The following ADAD1 variants were observed in gnomAD, a reference collection of about 807,000 sequenced individuals.
ADAD1 encodes the protein adenosine deaminase domain containing 1, also known as adenosine deaminase domain-containing protein 1.
ADAD1 carries 46 observed loss-of-function variants against 66.8 expected under a neutral mutation model. The observed-to-expected ratio is 0.69, with a 90% CI of 0.54 to 0.88. The LOEUF is 0.88. Ranked by LOEUF, ADAD1 falls within the 40% of genes least tolerant of loss-of-function variation. The pLI, the probability that ADAD1 is intolerant of heterozygous loss-of-function variation, is 0.00. For synonymous variants in ADAD1, 248 were observed against 229.4 expected (o/e 1.08, Z -0.73); for missense variants, 617 against 681.8 (o/e 0.91, Z 1.06).
Position 122,407,907 on chromosome 4 carries a change from G to A in ADAD1, c.725-1G>A. On this transcript the variant is annotated splice_acceptor_variant, in intron 7 of 12. Transcript: ENST00000296513. LOFTEE classifies it high-confidence loss of function. Reference sequence around the variant, plus strand: ...TGCTACTGTCTACCTTTTTCTTTCAGCTGGACAACATGAGGTTGTAGCTAT... The same window carrying A: ...TGCTACTGTCTACCTTTTTCTTTCAACTGGACAACATGAGGTTGTAGCTAT... 1 of 1,612,004 alleles carries A rather than the reference G, an allele frequency of 6.2e-7. No homozygotes were observed. Among genetic ancestry groups the A allele is most frequent in the Non-Finnish European group, 8.5e-7 (1 of 1,179,024 alleles).
chr4:122,384,050 T>C, intron 5 of ADAD1, 84 bp downstream of exon 5: 1 of 1,242,108 alleles, frequency 8.1e-7, no homozygotes. Context: ...TAATGAGAGT[T>C]ACTTGGCAGC....
intron 8 of ADAD1, among the ~76,000 whole-genome samples, chr4:122,409,419 A>T (rs796977343): frequency 5.3e-5 from 8 of 151,974 alleles, no homozygotes; most frequent in African/African-American, 1.9e-4. Context: ...TACATAGTGT[A>T]TATGTTTATA....
At chr4:122,426,223 CTGTT>C (rs1223253135) in intron 12 of ADAD1, among the ~76,000 whole-genome samples, 1 of 152,064 alleles carries the variant, frequency 6.6e-6, no homozygotes, top group East Asian at 1.9e-4. Context: ...TTATGAACAA[CTGTT>C]TGTCAGCAGA....
intron 8 of ADAD1, among the ~76,000 whole-genome samples, chr4:122,410,245 C>T (rs899125931): frequency 5.3e-5 from 8 of 152,114 alleles, no homozygotes; most frequent in African/African-American, 1.9e-4. Flanking sequence ...CATTGCCCTC[C>T]ACCCCTCTTG....
chr4:122,414,381 C>A (rs1256156464), intron 10 of ADAD1, among the ~76,000 whole-genome samples: 1 of 150,492 alleles, frequency 6.6e-6, no homozygotes, highest in South Asian at 2.1e-4. Context: ...GATATATTAA[C>A]TATTCCTCAC....
intron 7 of ADAD1, among the ~76,000 whole-genome samples, chr4:122,400,889 T>C (rs1465382888): frequency 6.6e-6 from 1 of 152,178 alleles, no homozygotes; most frequent in African/African-American, 2.4e-5. Flanking sequence ...TTGTCTCTTC[T>C]TTTCTTGGTT....
At chr4:122,387,885 G>A (rs1795251253) in intron 5 of ADAD1, among the ~76,000 whole-genome samples, 2 of 151,606 alleles carry the variant, frequency 1.3e-5, no homozygotes, top group Non-Finnish European at 1.5e-5. Flanking sequence ...TGAGCCTCCC[G>A]AGTAGCTGGG....
chr4:122,386,826 G>A (rs1383389811), intron 5 of ADAD1, among the ~76,000 whole-genome samples: 1 of 152,140 alleles, frequency 6.6e-6, no homozygotes, highest in Non-Finnish European at 1.5e-5. Context: ...TGTTCAGTTT[G>A]TTGAAGATCA....
At chr4:122,419,206 G>T (rs926435425) in intron 11 of ADAD1, among the ~76,000 whole-genome samples, 2 of 152,194 alleles carry the variant, frequency 1.3e-5, no homozygotes, top group Non-Finnish European at 2.9e-5. Context: ...ACATAAAAAA[G>T]AATGAGATCA....
chr4:122,402,067 T>A (rs943417752), intron 7 of ADAD1, among the ~76,000 whole-genome samples: 2 of 150,878 alleles, frequency 1.3e-5, no homozygotes, highest in Admixed American at 6.6e-5. Context: ...GTTTTTTTTT[T>A]AATTGTGTTA....
chr4:122,401,509 T>A (rs1685575865), intron 7 of ADAD1, among the ~76,000 whole-genome samples: 1 of 152,140 alleles, frequency 6.6e-6, no homozygotes, highest in African/African-American at 2.4e-5. Context: ...ATCTGCTAAG[T>A]TCATTTGTTG....
intron 7 of ADAD1, among the ~76,000 whole-genome samples, chr4:122,403,561 C>T (rs1267964922): frequency 1.3e-5 from 2 of 152,140 alleles, no homozygotes; most frequent in African/African-American, 2.4e-5. Context: ...TTGTTTTCTC[C>T]TTCTTTGGAG....
intron 11 of ADAD1, among the ~76,000 whole-genome samples, chr4:122,420,181 A>G (rs1244885304): frequency 6.6e-6 from 1 of 152,238 alleles, no homozygotes; most frequent in Non-Finnish European, 1.5e-5. Context: ...GTAGAAATCA[A>G]TAGATTTTGT....
intron 7 of ADAD1, among the ~76,000 whole-genome samples, chr4:122,404,212 T>C (rs540351491): frequency 6.6e-6 from 1 of 152,178 alleles, no homozygotes; most frequent in East Asian, 1.9e-4. Context: ...CTCAGGAAAA[T>C]TTGTGCTTGG....
At chr4:122,409,227 G>A (rs1241648920) in intron 8 of ADAD1, among the ~76,000 whole-genome samples, 1 of 152,172 alleles carries the variant, frequency 6.6e-6, no homozygotes, top group Non-Finnish European at 1.5e-5. Flanking sequence ...TAGCAAGTGG[G>A]AAAGAAAGGA....
chr4:122,397,780 A>G (rs1724475742), intron 7 of ADAD1, among the ~76,000 whole-genome samples: 2 of 152,368 alleles, frequency 1.3e-5, no homozygotes, highest in South Asian at 2.1e-4. Flanking sequence ...AAGTTGACGT[A>G]GGATAATCAT....
intron 9 of ADAD1, among the ~76,000 whole-genome samples, chr4:122,412,273 G>A (rs1449818110): frequency 6.6e-6 from 1 of 152,036 alleles, no homozygotes; most frequent in African/African-American, 2.4e-5. Flanking sequence ...ACAGAGGAAG[G>A]AACTAATTCA....
At chr4:122,426,880 T>G (rs1442154009) in intron 12 of ADAD1, among the ~76,000 whole-genome samples, 1 of 152,188 alleles carries the variant, frequency 6.6e-6, no homozygotes, top group Admixed American at 6.5e-5. Context: ...GACATTCTGC[T>G]TAATGGTGAA....
intron 12 of ADAD1, among the ~76,000 whole-genome samples, chr4:122,421,713 A>G (rs1797008098): frequency 6.6e-6 from 1 of 152,066 alleles, no homozygotes; most frequent in South Asian, 2.1e-4. Context: ...AATTGTACTA[A>G]CTATAGAATG....
Sources: allele counts gnomAD v4.1 joint callset (sites outside exome capture counted in the v4.1 genomes callset), GRCh38; gene constraint gnomAD v4.1.1; transcripts MANE v1.5; gene names NCBI Gene and HGNC (gene_info 2026-07-23, HGNC 2026-07-21).